Variants in CXADR observed in about 807,000 individuals in gnomAD.
CXADR encodes the protein coxsackievirus and adenovirus receptor.
Under a neutral mutation model 40.3 loss-of-function variants are expected in CXADR, and 20 were observed. That is an observed-to-expected ratio of 0.50 (90% CI 0.35 to 0.72). The LOEUF (loss-of-function observed/expected upper bound fraction) is 0.72, where lower values mean the gene tolerates loss of function less well. CXADR is among the 30% of genes least tolerant of loss of function. CXADR has a pLI of 0.01. For missense variants in CXADR, 332 were observed against 449.1 expected, an observed-to-expected ratio of 0.74 and a Z score of 2.36; for synonymous variants, 150 against 161.3, an observed-to-expected ratio of 0.93 and a Z score of 0.53.
chr21:17,621,433 C>T, the CXADR span, among the ~76,000 whole-genome samples: 3 of 152,092 alleles, frequency 2.0e-5, no homozygotes, highest in African/African-American at 7.2e-5. Flanking sequence ...TGTGCTAGAG[C>T]ATTGGGAACA....
the CXADR span, among the ~76,000 whole-genome samples, chr21:17,624,415 C>G: frequency 3.3e-5 from 5 of 152,262 alleles, no homozygotes; most frequent in African/African-American, 1.2e-4. Context: ...GTCCCTGTTT[C>G]GTCACTGGTG....
At chr21:17,588,209 C>T (rs1194866457) in intron 7 of CXADR, among the ~76,000 whole-genome samples, 2 of 152,204 alleles carry the variant, frequency 1.3e-5, no homozygotes, top group East Asian at 1.9e-4. Context: ...ATTGAGTTGG[C>T]AATGCGGGCT....
chr21:17,595,003 T>TA (rs533634736), downstream of CXADR, among the ~76,000 whole-genome samples: 3,842 of 140,288 alleles, frequency 0.027, 163 homozygotes, highest in African/African-American at 0.088. Flanking sequence ...AAATAAAAGT[T>TA]AAAAAAAAAA....
intron 1 of CXADR, among the ~76,000 whole-genome samples, chr21:17,517,374 T>C (rs2060474618): frequency 6.6e-6 from 1 of 152,288 alleles, no homozygotes; most frequent in Non-Finnish European, 1.5e-5. Flanking sequence ...AGTGAGCAGC[T>C]ACAATAGTAA....
chr21:17,590,437 T>C (rs548096360), intron 7 of CXADR, among the ~76,000 whole-genome samples: 25 of 152,176 alleles, frequency 1.6e-4, no homozygotes, highest in African/African-American at 6.0e-4. Context: ...CAAAGGAACA[T>C]AGAAGATGGA....
chr21:17,588,928 A>C (rs751251464), intron 7 of CXADR, among the ~76,000 whole-genome samples: 27 of 152,000 alleles, frequency 1.8e-4, no homozygotes, highest in Non-Finnish European at 3.7e-4. Flanking sequence ...TTTAAAAATG[A>C]TATATTCTTC....
At chr21:17,604,427 A>G in the CXADR span, among the ~76,000 whole-genome samples, 19 of 152,326 alleles carry the variant, frequency 1.2e-4, no homozygotes, top group East Asian at 2.5e-3. Flanking sequence ...CCTGGGCAAC[A>G]AGAGTGAAAC....
chr21:17,513,106 G>T lies in CXADR; in HGVS notation c.-24G>T. The T allele has an allele frequency of 4.5e-6, 6 of 1,345,262 alleles. No homozygotes were observed. Among genetic ancestry groups the T allele is most frequent in the Non-Finnish European group, 5.7e-6 (6 of 1,045,652 alleles). 83.3% of individuals were successfully genotyped at this position (1,345,262 alleles called of 1,614,324 possible). ...GAGCGAGAGCCGCCTACCTGCAGCC[G>T]CCGCCCACGGCACGGCAGCCACCAT... is the stretch of plus-strand genomic sequence containing the variant. On this transcript the variant is annotated 5_prime_UTR_variant, in exon 1 of 7. Transcript: ENST00000284878.
intron 1 of CXADR, among the ~76,000 whole-genome samples, chr21:17,545,317 G>A (rs1355020646): frequency 6.6e-6 from 1 of 151,912 alleles, no homozygotes; most frequent in Non-Finnish European, 1.5e-5. Flanking sequence ...AAAATGTTGG[G>A]TAATCACAAG....
intron 1 of CXADR, among the ~76,000 whole-genome samples, chr21:17,531,415 A>G (rs8131194): frequency 0.02 from 3,000 of 152,124 alleles, 104 homozygotes; most frequent in African/African-American, 0.066. Flanking sequence ...CCATCTCATT[A>G]TAATTTTCTT....
intron 7 of CXADR, among the ~76,000 whole-genome samples, chr21:17,581,847 CAAA>C (rs35923110): frequency 6.9e-6 from 1 of 144,108 alleles, no homozygotes; most frequent in Non-Finnish European, 1.5e-5. Flanking sequence ...GACTCTGTCT[CAAA>C]AAAAAAAAAA....
chr21:17,634,916 G>A, the CXADR span, among the ~76,000 whole-genome samples: 6 of 152,158 alleles, frequency 3.9e-5, no homozygotes, highest in African/African-American at 1.2e-4. Context: ...CCACAATACT[G>A]GGCTTAATGC....
the CXADR span, chr21:17,613,955 C>T: frequency 6.6e-6 from 1 of 152,128 alleles, no homozygotes; most frequent in Non-Finnish European, 1.5e-5. Context: ...GCCCACTAGG[C>T]TTGGGAGCAT....
At chr21:17,520,779 T>C (rs182415) in intron 1 of CXADR, among the ~76,000 whole-genome samples, 24,345 of 152,184 alleles carry the variant, frequency 0.16, 2,103 homozygotes, top group Non-Finnish European at 0.2. Flanking sequence ...TGGAACCTGA[T>C]GTCTGGTTGC....
intron 1 of CXADR, among the ~76,000 whole-genome samples, chr21:17,533,679 C>T (rs1043649586): frequency 6.6e-6 from 1 of 151,882 alleles, no homozygotes; most frequent in African/African-American, 2.4e-5. Context: ...CTGTCATAAG[C>T]ACTCAGTAAC....
chr21:17,632,781 A>G, the CXADR span, among the ~76,000 whole-genome samples: 1 of 152,102 alleles, frequency 6.6e-6, no homozygotes, highest in African/African-American at 2.4e-5. Flanking sequence ...AGGCAGGAGA[A>G]TGACATGAAC....
At chr21:17,606,485 T>C in the CXADR span, among the ~76,000 whole-genome samples, 1 of 152,140 alleles carries the variant, frequency 6.6e-6, no homozygotes, top group Non-Finnish European at 1.5e-5. Flanking sequence ...TAATATTGTA[T>C]AGGGTAATTT....
intron 3 of CXADR, among the ~76,000 whole-genome samples, chr21:17,552,720 C>A (rs1825093159): frequency 1.3e-5 from 2 of 152,128 alleles, no homozygotes; most frequent in Non-Finnish European, 1.5e-5. Context: ...ACAGTAAATT[C>A]CCCTGTCCTC....
At position 17,584,595 on chromosome 21, in the gene CXADR, G is replaced by T. The variant is rs142496752; in HGVS notation, c.1018-8557G>T. 1.8e-4 allele frequency among the ~76,000 whole-genome samples: 28 copies of T among 152,316 alleles called. No individual in the cohort carries two copies. In the East Asian group the frequency reaches 4.6e-3, roughly 25 times the overall value. On this transcript the variant is annotated intron_variant, in intron 7 of 7. Coordinates refer to the CXADR transcript ENST00000400169. ...GTCTGTAGTCCCAGCACTTTGGGAG[G>T]CCGAGGAGGGCGGATCACGAGGTCA...
Sources: gnomAD v4.1 joint callset for allele counts (sites outside exome capture counted in the v4.1 genomes callset) on GRCh38, gnomAD v4.1.1 for gene constraint, MANE v1.5 for transcripts, NCBI Gene and HGNC (gene_info 2026-07-23, HGNC 2026-07-21) for gene names.